The following SPTLC2 variants were observed in gnomAD, a reference collection of about 807,000 sequenced individuals.
The protein encoded by SPTLC2 is serine palmitoyltransferase 2.
In SPTLC2, 21 loss-of-function variants were observed where a neutral mutation model predicts 62.0. The ratio of observed to expected loss-of-function variants is 0.34; its 90% CI spans 0.24 to 0.49. The LOEUF (loss-of-function observed/expected upper bound fraction) is 0.49, where lower values mean the gene tolerates loss of function less well. Ranked by LOEUF, SPTLC2 falls within the 20% of genes least tolerant of loss-of-function variation. SPTLC2 has a pLI of 0.99. For missense variants in SPTLC2, 511 were observed against 713.0 expected (o/e 0.72, Z 3.23); for synonymous variants, 261 against 261.8 (o/e 1.00, Z 0.03).
chr14:77,571,249 G>A (rs2079680756), intron 4 of SPTLC2, among the ~76,000 whole-genome samples: 2 of 152,122 alleles, frequency 1.3e-5, no homozygotes, highest in Admixed American at 6.5e-5. Context: ...AGTGGCTCAC[G>A]CCTGTAATTC....
chr14:77,613,643 C>G (rs1294890807), intron 1 of SPTLC2, among the ~76,000 whole-genome samples: 1 of 152,198 alleles, frequency 6.6e-6, no homozygotes, highest in African/African-American at 2.4e-5. Flanking sequence ...TTTCTGACTT[C>G]TCTCCTGTTC....
At position 77,537,904 on chromosome 14, in the gene SPTLC2, C is replaced by A. The variant is rs140203833; in HGVS notation, c.1303+14192G>T. On this transcript the variant is annotated intron_variant, in intron 9 of 11. Transcript: ENST00000216484. Reference sequence around the variant, plus strand: ...TGTTCATGTATTCTTCTCTTAAAATCATGCTGTTCCTATCTTCCATACAAC... The same window carrying A: ...TGTTCATGTATTCTTCTCTTAAAATAATGCTGTTCCTATCTTCCATACAAC... Among the ~76,000 whole-genome samples, 337 of 152,320 alleles carry A rather than the reference C, an allele frequency of 2.2e-3. 2 individuals are homozygous for A. The highest frequency in any genetic ancestry group is 7.6e-3 in the African/African-American group (314 of 41,578).
intron 8 of SPTLC2, among the ~76,000 whole-genome samples, chr14:77,552,623 T>C (rs1056228977): frequency 3.3e-5 from 5 of 151,960 alleles, no homozygotes; most frequent in African/African-American, 1.2e-4. Flanking sequence ...CTGACCAACA[T>C]GGTGAAACCC....
intron 1 of SPTLC2, among the ~76,000 whole-genome samples, chr14:77,607,249 G>C (rs2079910339): frequency 6.6e-6 from 1 of 152,088 alleles, no homozygotes; most frequent in Non-Finnish European, 1.5e-5. Flanking sequence ...CTCCTCATTT[G>C]ACTGACAAAA....
At position 77,506,708 on chromosome 14, in the gene SPTLC2, C is replaced by T. The variant is rs1294905429; in HGVS notation, c.*5576G>A. 2.6e-5 allele frequency: 4 copies of T among 152,194 alleles called. No homozygotes were observed. The highest frequency in any genetic ancestry group is 4.8e-5 in the African/African-American group (2 of 41,440). The allele number at this position is 152,194 out of a possible 1,614,324, so 9.4% of individuals were successfully genotyped here. A position where few individuals can be genotyped will look rare whatever the true frequency, so the allele number is the denominator to read the frequency against. ...CTTTGCAAAAGAAACCTGGGAAGAG[C>T]GTTGGAAAAAGCAGACTCTGAGTTG... On this transcript the variant is annotated 3_prime_UTR_variant, in exon 12 of 12. Transcript: ENST00000216484.
rs538663724 is a variant in SPTLC2 at position 77,524,007 on chromosome 14, C to T, written c.1304-2426G>A. Among the ~76,000 whole-genome samples, 8 of 151,966 alleles carry T rather than the reference C, an allele frequency of 5.3e-5. No individual in the cohort carries two copies. In the East Asian group the frequency reaches 1.5e-3, roughly 29 times the overall value. On this transcript the variant is annotated intron_variant, in intron 9 of 11. Coordinates refer to ENST00000216484, the MANE Select transcript of SPTLC2 (RefSeq NM_004863.4). Reference sequence around the variant, plus strand: ...CCGACCAAAAATAACGGAGTATTAGCAGATATGGATGTTAAAGGCCATTAT... The same window carrying T: ...CCGACCAAAAATAACGGAGTATTAGTAGATATGGATGTTAAAGGCCATTAT...
chr14:77,614,993 C>G (rs997844989), intron 1 of SPTLC2, among the ~76,000 whole-genome samples: 1 of 147,020 alleles, frequency 6.8e-6, no homozygotes, highest in Non-Finnish European at 1.5e-5. Flanking sequence ...AAAACAAAAA[C>G]AAAAAAAAAA....
chr14:77,540,904 C>T (rs17105935), intron 9 of SPTLC2, among the ~76,000 whole-genome samples: 29,650 of 152,172 alleles, frequency 0.19, 3,714 homozygotes, highest in African/African-American at 0.35. Context: ...TAGTTTAGAA[C>T]TACAAATATG....
chr14:77,580,283 GA>G (rs1332879124), intron 2 of SPTLC2, among the ~76,000 whole-genome samples: 3 of 152,052 alleles, frequency 2.0e-5, no homozygotes, highest in African/African-American at 7.2e-5. Flanking sequence ...AGGAGTTCAA[GA>G]CCAGCCTGGC....
chr14:77,584,897 A>G (rs369165224), intron 2 of SPTLC2, among the ~76,000 whole-genome samples: 1 of 152,370 alleles, frequency 6.6e-6, no homozygotes, highest in South Asian at 2.1e-4. Flanking sequence ...GCCAGTGAGA[A>G]GCACATACAA....
At chr14:77,519,275 T>G (rs1373423416) in intron 10 of SPTLC2, among the ~76,000 whole-genome samples, 1 of 152,102 alleles carries the variant, frequency 6.6e-6, no homozygotes, top group African/African-American at 2.4e-5. Flanking sequence ...CCTGACCTTG[T>G]GATCCACCCA....
chr14:77,594,619 A>AAAACAG (rs1266677574), intron 2 of SPTLC2, among the ~76,000 whole-genome samples: 1 of 152,138 alleles, frequency 6.6e-6, no homozygotes, highest in Non-Finnish European at 1.5e-5. Context: ...AACAAAAACA[A>AAAACAG]TACTCCTCAT....
chr14:77,593,118 T>TA (rs1566790118), intron 2 of SPTLC2, among the ~76,000 whole-genome samples: 1 of 151,434 alleles, frequency 6.6e-6, no homozygotes, highest in Admixed American at 6.6e-5. Flanking sequence ...AAAAAAAAAT[T>TA]AAAAAAATTA....
At position 77,555,174 on chromosome 14, in the gene SPTLC2, T is replaced by C. The variant is rs2079575818; in HGVS notation, c.1176+126A>G. 8 of 975,768 alleles carry C rather than the reference T, an allele frequency of 8.2e-6. No homozygotes were observed. In the Admixed American group the frequency reaches 1.0e-4, roughly 13 times the overall value. The allele number at this position is 975,768 out of a possible 1,614,324, so 60.4% of individuals were successfully genotyped here. ...AGACATTAGAGTCACTCACTGGTAT[T>C]ATGAGCCTAAACCAGAGGCAAATTT... On this transcript the variant is annotated intron_variant, in intron 8 of 11. Coordinates refer to ENST00000216484, the MANE Select transcript of SPTLC2 (RefSeq NM_004863.4).
Position 77,513,094 on chromosome 14 carries a change from C to T in SPTLC2, c.1570-691G>A, listed in dbSNP as rs982365930. Among the ~76,000 whole-genome samples, 4 of 128,994 alleles carry T rather than the reference C, an allele frequency of 3.1e-5. No homozygotes were observed. The South Asian group carries it at 7.8e-4, about 25-fold the overall frequency. 84.6% of individuals were successfully genotyped at this position (128,994 alleles called of 152,430 possible). A position where few individuals can be genotyped will look rare whatever the true frequency, so the allele number is the denominator to read the frequency against. ...AGGCTGGAGTACAGTGGCACCATCT[C>T]GGCTCACTGCAGCCTCTGCCTCCTG... On this transcript the variant is annotated intron_variant, in intron 11 of 11. Transcript: ENST00000216484.
At chr14:77,570,272 C>T (rs1416633923) in intron 5 of SPTLC2, 112 bp downstream of exon 5, 2 of 1,299,868 alleles carry the variant, frequency 1.5e-6, no homozygotes, top group Non-Finnish European at 2.1e-6. Flanking sequence ...ATATCTTTGG[C>T]TAAACTATGT....
chr14:77,588,247 A>G (rs2079793818), intron 2 of SPTLC2, among the ~76,000 whole-genome samples: 1 of 152,140 alleles, frequency 6.6e-6, no homozygotes, highest in African/African-American at 2.4e-5. Flanking sequence ...TGGAAAATGT[A>G]TTTTCTACTA....
chr14:77,537,308 A>G (rs1021967673), intron 9 of SPTLC2, among the ~76,000 whole-genome samples: 11 of 151,592 alleles, frequency 7.3e-5, no homozygotes, highest in African/African-American at 2.7e-4. Context: ...AAAGTTATGG[A>G]AAGATTCCCT....
chr14:77,577,798 G>A (rs1473836021), intron 3 of SPTLC2, among the ~76,000 whole-genome samples: 1 of 152,168 alleles, frequency 6.6e-6, no homozygotes, highest in Non-Finnish European at 1.5e-5. Context: ...TACTCGGGAG[G>A]CTGAGGCAGG....
Sources: allele counts gnomAD v4.1 joint callset (sites outside exome capture counted in the v4.1 genomes callset), GRCh38; gene constraint gnomAD v4.1.1; transcripts MANE v1.5; gene names NCBI Gene and HGNC (gene_info 2026-07-23, HGNC 2026-07-21).